OLFM3: variants seen among roughly 807,000 people sequenced by gnomAD.
OLFM3 encodes noelin-3.
In OLFM3, 20 loss-of-function variants were observed where a neutral mutation model predicts 48.6. The ratio of observed to expected loss-of-function variants is 0.41; its 90% confidence interval spans 0.29 to 0.60. OLFM3 has a LOEUF of 0.60. OLFM3 is among the 20% of genes least tolerant of loss of function. OLFM3 has a pLI of 0.28. For synonymous variants in OLFM3, 222 were observed against 198.1 expected, an observed-to-expected ratio of 1.12 and a Z score of -1.01; for missense variants, 437 against 544.3, an observed-to-expected ratio of 0.80 and a Z score of 1.96.
rs578080210 is a variant in OLFM3 at position 101,813,450 on chromosome 1, T to C, written c.593-7268A>G. Reference sequence around the variant, plus strand: ...GTTTAGTGTTTATAAAAAATGAATATGTGTGTCTAGTAAAAAAATCAAATA... The same window carrying C: ...GTTTAGTGTTTATAAAAAATGAATACGTGTGTCTAGTAAAAAAATCAAATA... On this transcript the variant is annotated intron_variant, in intron 4 of 5. Transcript: ENST00000370103. Among the ~76,000 whole-genome samples, 76 of 152,310 alleles carry C rather than the reference T, an allele frequency of 5.0e-4. 1 individual carries two copies. The East Asian group carries it at 0.012, about 24-fold the overall frequency.
At chr1:101,845,707 A>G (rs191979412) in intron 1 of OLFM3, among the ~76,000 whole-genome samples, 190 of 152,304 alleles carry the variant, frequency 1.2e-3, no homozygotes, top group Admixed American at 2.0e-3. Context: ...GATCTCAGCA[A>G]TGGAGGCTCT....
chr1:101,967,629 A>G (rs1385719464), intron 1 of OLFM3, among the ~76,000 whole-genome samples: 2 of 147,280 alleles, frequency 1.4e-5, no homozygotes, highest in East Asian at 4.1e-4. Flanking sequence ...TAACTGGAAG[A>G]CGAAAGGAAT....
chr1:101,962,129 A>C (rs981570053), intron 1 of OLFM3, among the ~76,000 whole-genome samples: 13 of 152,176 alleles, frequency 8.5e-5, no homozygotes, highest in Admixed American at 3.3e-4. Context: ...CTCATTAGTT[A>C]TCAGCACCTT....
intron 1 of OLFM3, among the ~76,000 whole-genome samples, chr1:101,867,770 C>T (rs1206060084): frequency 1.3e-5 from 2 of 152,128 alleles, no homozygotes; most frequent in Non-Finnish European, 2.9e-5. Flanking sequence ...TTCATAAAGT[C>T]AGCATGAGGG....
chr1:101,865,526 A>G (rs999452227), intron 1 of OLFM3, among the ~76,000 whole-genome samples: 2 of 152,168 alleles, frequency 1.3e-5, no homozygotes, highest in Non-Finnish European at 2.9e-5. Flanking sequence ...ATGTGACATT[A>G]CTCCACATGT....
At chr1:101,916,194 A>G (rs923459660) in intron 1 of OLFM3, among the ~76,000 whole-genome samples, 17 of 152,156 alleles carry the variant, frequency 1.1e-4, no homozygotes, top group Admixed American at 2.6e-4. Flanking sequence ...GTGCCAGATA[A>G]TTTAACAAAC....
intron 4 of OLFM3, among the ~76,000 whole-genome samples, chr1:101,822,917 C>A (rs1654677159): frequency 6.6e-6 from 1 of 151,042 alleles, no homozygotes; most frequent in African/African-American, 2.4e-5. Context: ...AAATAAATAA[C>A]TTTTCCCTTG....
intron 1 of OLFM3, among the ~76,000 whole-genome samples, chr1:101,882,170 T>G (rs547674283): frequency 1.3e-5 from 2 of 151,188 alleles, no homozygotes; most frequent in African/African-American, 4.8e-5. Flanking sequence ...AGATGCGACA[T>G]TAAAATGAAG....
rs1658973478 is a variant in OLFM3, at chr1:101,917,781, C to T, written c.69+78967G>A. On this transcript the variant is annotated intron_variant, in intron 1 of 5. Coordinates refer to ENST00000370103, the MANE Select transcript of OLFM3 (RefSeq NM_058170.4). ...GAAGTTTTTTAAAATATTGAATTAT[C>T]TTATTACTTTTCCCATAATTAAAAA... 1.3e-5 allele frequency among the ~76,000 whole-genome samples: 2 copies of T among 152,108 alleles called. 1 individual carries two copies. Among genetic ancestry groups the T allele is most frequent in the African/African-American group, 4.8e-5 (2 of 41,410 alleles).
At chr1:101,850,208 C>A (rs1210796674) in intron 1 of OLFM3, among the ~76,000 whole-genome samples, 1 of 152,018 alleles carries the variant, frequency 6.6e-6, no homozygotes, top group African/African-American at 2.4e-5. Flanking sequence ...AAAAATGTGA[C>A]CTGACTACAC....
chr1:101,859,136 G>A (rs1271313086), intron 1 of OLFM3, among the ~76,000 whole-genome samples: 1 of 151,980 alleles, frequency 6.6e-6, no homozygotes, highest in Non-Finnish European at 1.5e-5. Context: ...GGAAGGAAGA[G>A]AGGAAATAGA....
At chr1:101,978,568 T>G (rs539841921) in intron 1 of OLFM3, among the ~76,000 whole-genome samples, 1 of 152,272 alleles carries the variant, frequency 6.6e-6, no homozygotes, top group African/African-American at 2.4e-5. Context: ...ATTTAAAAAA[T>G]TATGTAATTT....
At chr1:101,817,277 T>C (rs1212477319) in intron 4 of OLFM3, among the ~76,000 whole-genome samples, 1 of 152,108 alleles carries the variant, frequency 6.6e-6, no homozygotes, top group Non-Finnish European at 1.5e-5. Context: ...AGAAGGAAGT[T>C]AGGAGTCTTG....
intron 1 of OLFM3, among the ~76,000 whole-genome samples, chr1:101,876,633 G>A (rs929948566): frequency 6.6e-6 from 1 of 151,882 alleles, no homozygotes; most frequent in Non-Finnish European, 1.5e-5. Flanking sequence ...AAAGTAGTAT[G>A]CAAATAAGAG....
intron 1 of OLFM3, among the ~76,000 whole-genome samples, chr1:101,938,206 AT>A (rs1659681941): frequency 6.6e-6 from 1 of 152,248 alleles, no homozygotes; most frequent in African/African-American, 2.4e-5. Context: ...TCCTAAACAA[AT>A]AGGGCCCACT....
chr1:101,835,733 A>G (rs1470639356), intron 2 of OLFM3, among the ~76,000 whole-genome samples: 3 of 152,348 alleles, frequency 2.0e-5, no homozygotes, highest in Admixed American at 6.5e-5. Context: ...GGATCTTGCC[A>G]TAAAAGGAGG....
At chr1:101,947,582 A>G (rs1489250489) in intron 1 of OLFM3, among the ~76,000 whole-genome samples, 1 of 152,202 alleles carries the variant, frequency 6.6e-6, no homozygotes, top group East Asian at 1.9e-4. Context: ...AGCCTGGACA[A>G]CATATTGAGA....
At chr1:101,902,792 G>A (rs745338759) in intron 1 of OLFM3, among the ~76,000 whole-genome samples, 1 of 152,026 alleles carries the variant, frequency 6.6e-6, no homozygotes, top group Non-Finnish European at 1.5e-5. Flanking sequence ...CAGCTCCATG[G>A]AGTATGTACT....
At chr1:101,971,294 T>C (rs112691682) in intron 1 of OLFM3, among the ~76,000 whole-genome samples, 56 of 152,280 alleles carry the variant, frequency 3.7e-4, no homozygotes, top group African/African-American at 1.3e-3. Flanking sequence ...TGGTGATTGC[T>C]TGAATGTGGA....
Sources: allele counts gnomAD v4.1 joint callset (sites outside exome capture counted in the v4.1 genomes callset), GRCh38; gene constraint gnomAD v4.1.1; transcripts MANE v1.5; gene names NCBI Gene and HGNC (gene_info 2026-07-23, HGNC 2026-07-21).